Variants in VPS13B observed in about 807,000 individuals in gnomAD.
VPS13B encodes intermembrane lipid transfer protein VPS13B.
Under a neutral mutation model 426.4 loss-of-function variants are expected in VPS13B, and 285 were observed. The observed-to-expected ratio is 0.67, with a 90% CI of 0.61 to 0.74. The LOEUF is 0.74. VPS13B is among the 30% of genes least tolerant of loss of function. VPS13B has a pLI of 0.00. For missense variants in VPS13B, 4,537 were observed against 4,782.6 expected (o/e 0.95, Z 1.51); for synonymous variants, 1,676 against 1,676.4 (o/e 1.00, Z 0.01).
intron 8 of VPS13B, among the ~76,000 whole-genome samples, chr8:99,124,193 T>C (rs1848079223): frequency 6.6e-6 from 1 of 152,126 alleles, no homozygotes; most frequent in African/African-American, 2.4e-5. Context: ...AGGGAATAGA[T>C]TATTTGTAAG....
chr8:99,159,001 C>A (rs1421996050), intron 15 of VPS13B, among the ~76,000 whole-genome samples: 4 of 152,178 alleles, frequency 2.6e-5, no homozygotes, highest in African/African-American at 9.7e-5. Context: ...GGAAAAGATT[C>A]ATCAATCTAG....
intron 2 of VPS13B, among the ~76,000 whole-genome samples, chr8:99,030,356 A>G (rs1241759734): frequency 1.3e-5 from 2 of 151,216 alleles, no homozygotes; most frequent in Non-Finnish European, 2.9e-5. Flanking sequence ...TGTTCTCCCC[A>G]TGTCTGCATG....
intron 16 of VPS13B, among the ~76,000 whole-genome samples, chr8:99,172,912 G>A (rs1812431829): frequency 6.6e-6 from 1 of 151,782 alleles, no homozygotes; most frequent in Middle Eastern, 3.2e-3. Flanking sequence ...ACCATTATTG[G>A]GCAGCTCTAA....
intron 19 of VPS13B, among the ~76,000 whole-genome samples, chr8:99,318,410 T>C (rs746955819): frequency 1.6e-4 from 24 of 152,030 alleles, no homozygotes; most frequent in Admixed American, 5.9e-4. Context: ...CTGTCCTGTA[T>C]GGTAGATCTC....
At chr8:99,765,674 A>G (rs770322909) in intron 39 of VPS13B, among the ~76,000 whole-genome samples, 1 of 152,278 alleles carries the variant, frequency 6.6e-6, no homozygotes, top group Non-Finnish European at 1.5e-5. Flanking sequence ...CATTTGGCAC[A>G]GTTGAGGAAC....
At chr8:99,609,886 C>G (rs1827768859) in intron 33 of VPS13B, among the ~76,000 whole-genome samples, 1 of 152,222 alleles carries the variant, frequency 6.6e-6, no homozygotes, top group Non-Finnish European at 1.5e-5. Flanking sequence ...CTTGCACCAT[C>G]AGTGCACATG....
At chr8:99,813,713 A>C (rs1445179917) in intron 44 of VPS13B, among the ~76,000 whole-genome samples, 2 of 152,246 alleles carry the variant, frequency 1.3e-5, no homozygotes, top group African/African-American at 4.8e-5. Flanking sequence ...CTTCTAAAGA[A>C]AATTCAAATA....
chr8:99,676,554 T>C (rs913652879), intron 35 of VPS13B, among the ~76,000 whole-genome samples: 5 of 151,282 alleles, frequency 3.3e-5, no homozygotes, highest in Admixed American at 1.3e-4. Flanking sequence ...ACGGTGTCTC[T>C]CTGAATTTGC....
chr8:99,489,172 T>A (rs913948755), intron 25 of VPS13B, among the ~76,000 whole-genome samples: 2 of 152,204 alleles, frequency 1.3e-5, no homozygotes. Flanking sequence ...TTTGTCAGGT[T>A]TGTCAAAGAT....
chr8:99,737,802 G>A (rs1588668681), intron 39 of VPS13B, among the ~76,000 whole-genome samples: 2 of 152,332 alleles, frequency 1.3e-5, no homozygotes, highest in South Asian at 4.1e-4. Flanking sequence ...TGCTAAAGCA[G>A]CTAAATCATA....
intron 40 of VPS13B, among the ~76,000 whole-genome samples, chr8:99,776,330 C>A (rs1440505611): frequency 6.6e-6 from 1 of 152,168 alleles, no homozygotes; most frequent in East Asian, 1.9e-4. Context: ...TTTCTGTGAA[C>A]AATTCATAGA....
chr8:99,526,827 C>T (rs1348483064), intron 30 of VPS13B, among the ~76,000 whole-genome samples: 1 of 152,004 alleles, frequency 6.6e-6, no homozygotes, highest in African/African-American at 2.4e-5. Flanking sequence ...ACTGTGTTTC[C>T]AAATCACCCA....
At chr8:99,681,970 C>T (rs1379844992) in intron 35 of VPS13B, among the ~76,000 whole-genome samples, 1 of 152,172 alleles carries the variant, frequency 6.6e-6, no homozygotes, top group African/African-American at 2.4e-5. Flanking sequence ...AAAAAGTTAA[C>T]ATTAAAAATT....
intron 25 of VPS13B, among the ~76,000 whole-genome samples, chr8:99,482,359 A>G (rs1307872773): frequency 2.0e-5 from 3 of 152,204 alleles, no homozygotes; most frequent in Non-Finnish European, 4.4e-5. Context: ...AAATAAAAAT[A>G]TAACCAGAAA....
chr8:99,459,913 T>C (rs1022675111), intron 23 of VPS13B, among the ~76,000 whole-genome samples: 26 of 152,182 alleles, frequency 1.7e-4, no homozygotes, highest in African/African-American at 5.8e-4. Flanking sequence ...TTATTAATTA[T>C]AGCTACTTCA....
chr8:99,429,769 A>T (rs1051308520), intron 21 of VPS13B: 8 of 152,190 alleles, frequency 5.3e-5, no homozygotes, highest in African/African-American at 1.9e-4. Context: ...CATGTAGTAA[A>T]TGTTTTGCAC....
At chr8:99,737,106 CTTTTT>C (rs386413466) in intron 39 of VPS13B, among the ~76,000 whole-genome samples, 108 of 44,322 alleles carry the variant, frequency 2.4e-3, no homozygotes, top group Non-Finnish European at 2.9e-3. Flanking sequence ...AGATGTCCTT[CTTTTT>C]TTTTTTTTTT....
At chr8:99,665,075 T>C (rs544890253) in intron 35 of VPS13B, among the ~76,000 whole-genome samples, 65 of 152,384 alleles carry the variant, frequency 4.3e-4, no homozygotes, top group African/African-American at 1.4e-3. Context: ...CCAATGATGA[T>C]GAGCATTTTT....
At chr8:99,075,040 G>C (rs1845046511) in intron 3 of VPS13B, among the ~76,000 whole-genome samples, 1 of 152,008 alleles carries the variant, frequency 6.6e-6, no homozygotes, top group Non-Finnish European at 1.5e-5. Flanking sequence ...CATTTTTTTG[G>C]AATAGTTTAA....
Sources: allele counts gnomAD v4.1 joint callset (sites outside exome capture counted in the v4.1 genomes callset), GRCh38; gene constraint gnomAD v4.1.1; transcripts MANE v1.5; gene names NCBI Gene and HGNC (gene_info 2026-07-23, HGNC 2026-07-21).